The following RNF10 variants were observed in gnomAD, a reference collection of about 807,000 sequenced individuals.
The protein encoded by RNF10 is ring finger protein 10.
In RNF10, 38 loss-of-function variants were observed where a neutral mutation model predicts 91.4. The observed-to-expected ratio is 0.42, with a 90% confidence interval of 0.32 to 0.54. The LOEUF is 0.54. Among genes scored for constraint, RNF10 ranks in the 20% least tolerant of loss-of-function variants. RNF10 has a pLI of 0.16. For synonymous variants in RNF10, 364 were observed against 366.3 expected (o/e 0.99, Z 0.07); for missense variants, 945 against 1,012.0 (o/e 0.93, Z 0.90).
At chr12:120,566,158 A>G (rs1253598625) in intron 12 of RNF10, among the ~76,000 whole-genome samples, 1 of 152,212 alleles carries the variant, frequency 6.6e-6, no homozygotes, top group Non-Finnish European at 1.5e-5. Context: ...AAGTGGGACA[A>G]GTGTATACTT....
chr12:120,566,761 C>CAAAA (rs35194242), intron 12 of RNF10, 64 bp from the exon 13 acceptor site: 8 of 1,286,094 alleles, frequency 6.2e-6, no homozygotes, highest in African/African-American at 1.7e-5. Flanking sequence ...GACCCCATCT[C>CAAAA]AAAAAAAAAA....
intron 9 of RNF10, 41 bp downstream of exon 9, chr12:120,563,664 G>T (rs1335403173): frequency 6.4e-7 from 1 of 1,570,860 alleles, no homozygotes; most frequent in Non-Finnish European, 8.6e-7. Context: ...CCGCAGAGGT[G>T]TTTCAGAGGT....
In RNF10 at chr12:120,550,789, G is replaced by C. The variant is rs767486283; in HGVS notation, c.355-1710G>C. On this transcript the variant is annotated intron_variant, in intron 2 of 16. Coordinates refer to ENST00000325954, the MANE Select transcript of RNF10 (RefSeq NM_014868.5). ...TTTTTTGTATTTTTAGTAGAGACAG[G>C]GTTTCACTGTGTTAGCCAGGGTGGT... is the stretch of plus-strand genomic sequence containing the variant. 5.9e-5 allele frequency among the ~76,000 whole-genome samples: 9 copies of C among 151,960 alleles called. No homozygotes were observed. The South Asian group carries it at 8.3e-4, about 14-fold the overall frequency.
At chr12:120,558,994 TTTAA>T (rs142308916) in intron 6 of RNF10, among the ~76,000 whole-genome samples, 4,779 of 151,888 alleles carry the variant, frequency 0.031, 114 homozygotes, top group Non-Finnish European at 0.047. Context: ...AATAATTACT[TTTAA>T]TTAATTAAAT....
Position 120,560,859 on chromosome 12 carries a change from T to C in RNF10, c.1101T>C (p.Phe367=), listed in dbSNP as rs1874740186. The C allele has an allele frequency of 6.2e-7, 1 of 1,614,082 alleles. No homozygotes were observed. Among genetic ancestry groups the C allele is most frequent in the Non-Finnish European group, 8.5e-7 (1 of 1,179,988 alleles). ...AGAAGCACACTCCCGAGTCCTGCTTTATTGAGGCAGCTATCCAGGAGCTCA... is the reference window on the plus strand; with the variant it reads ...AGAAGCACACTCCCGAGTCCTGCTTCATTGAGGCAGCTATCCAGGAGCTCA... ...AEEKHTPESC[F]IEAAIQELKT... The change falls in exon 7 of 17, where the codon TTT becomes TTC. Residue 367 remains phenylalanine, a synonymous_variant. Transcript: ENST00000325954.
At chr12:120,560,667 G>GC in intron 6 of RNF10, 59 bp from the exon 7 acceptor site, 1 of 1,530,898 alleles carries the variant, frequency 6.5e-7, no homozygotes, top group Non-Finnish European at 8.9e-7. Flanking sequence ...TTCCTATTTA[G>GC]CTACACCATC....
At chr12:120,539,220 C>T in intron 1 of RNF10, 1 of 353,354 alleles carries the variant, frequency 2.8e-6, no homozygotes, top group Non-Finnish European at 5.7e-6. Context: ...AGAGGCTTAG[C>T]AGTGTTAAGA....
chr12:120,571,045 T>C, intron 13 of RNF10, 146 bp from the exon 14 acceptor site: 1 of 608,626 alleles, frequency 1.6e-6, no homozygotes, highest in Non-Finnish European at 2.9e-6. Context: ...CATGGAAGAG[T>C]TGAAAGTTGG....
chr12:120,569,097 GT>G (rs1876204482), intron 13 of RNF10, among the ~76,000 whole-genome samples: 1 of 152,034 alleles, frequency 6.6e-6, no homozygotes, highest in Admixed American at 6.6e-5. Flanking sequence ...CAGCCTCCAA[GT>G]AGTTTGGATT....
chr12:120,568,547 C>T (rs1481040536), intron 13 of RNF10, among the ~76,000 whole-genome samples: 1 of 151,342 alleles, frequency 6.6e-6, no homozygotes, highest in South Asian at 2.1e-4. Flanking sequence ...GCAATCTCAG[C>T]TAACTGCAAC....
In RNF10 at chr12:120,542,820, T is replaced by C. The variant is rs1183975090; in HGVS notation, c.158-3585T>C. ...TGCCTGCCTTGGCCTCCCAAAGTGC[T>C]GGGATTACAGGGAGCCACCATGCCT... On this transcript the variant is annotated intron_variant, in intron 1 of 16. Coordinates refer to ENST00000325954, the MANE Select transcript of RNF10 (RefSeq NM_014868.5). Among the ~76,000 whole-genome samples, 5 of 152,348 alleles carry C rather than the reference T, an allele frequency of 3.3e-5. No homozygotes were observed. In the East Asian group the frequency reaches 9.6e-4, roughly 29 times the overall value.
Position 120,565,063 on chromosome 12 carries a change from C to T in RNF10, c.1666-9C>T, listed in dbSNP as rs773685175. The T allele has an allele frequency of 6.3e-7, 1 of 1,599,466 alleles. No individual in the cohort carries two copies. The highest frequency in any genetic ancestry group is 1.3e-5 in the African/African-American group (1 of 74,556). ...CTTTTGTTGAGTATTGGTCCTTTTT[C>T]CAATGTAGGATGTTCGACAGCGTCA... On this transcript the variant is annotated splice_polypyrimidine_tract_variant and intron_variant, in intron 10 of 16. Transcript: ENST00000325954.
chr12:120,552,397 C>CT, intron 2 of RNF10, 102 bp from the exon 3 acceptor site: 1 of 956,062 alleles, frequency 1.0e-6, no homozygotes, highest in African/African-American at 1.7e-5. Context: ...AAGACTCCGT[C>CT]TCAAAAAAAA....
chr12:120,556,671 AG>A (rs1874077195), intron 4 of RNF10, among the ~76,000 whole-genome samples: 1 of 151,840 alleles, frequency 6.6e-6, no homozygotes. Context: ...CTTTGTTGGA[AG>A]TTACTGGTAG....
intron 1 of RNF10, among the ~76,000 whole-genome samples, chr12:120,542,450 A>G (rs1871710841): frequency 6.6e-6 from 1 of 152,156 alleles, no homozygotes; most frequent in African/African-American, 2.4e-5. Context: ...CACCAAGTCC[A>G]GCGCTGAAAC....
At chr12:120,550,237 G>A (rs1397944503) in intron 2 of RNF10, among the ~76,000 whole-genome samples, 1 of 152,082 alleles carries the variant, frequency 6.6e-6, no homozygotes, top group African/African-American at 2.4e-5. Context: ...GCTGTAGAAC[G>A]GAAACCTGTA....
At position 120,557,402 on chromosome 12, in the gene RNF10, A is replaced by G. The variant is rs537779170; in HGVS notation, c.766A>G (p.Ser256Gly). Reference sequence around the variant, plus strand: ...ATGCATCCTGCACTATCTTTCACTGAGTGAGAAGACGTGGAGTAAATGTCC... The same window carrying G: ...ATGCATCCTGCACTATCTTTCACTGGGTGAGAAGACGTGGAGTAAATGTCC... ...WACILHYLSL[S>G]EKTWSKCPIC... The change falls in exon 5 of 17, where the codon AGT becomes GGT. Residue 256 changes from serine (S) to glycine (G), a missense_variant. Physicochemically the swap from Ser to Gly is moderately conservative, Grantham distance 56. Coordinates refer to ENST00000325954, the MANE Select transcript of RNF10 (RefSeq NM_014868.5). 37 of 1,614,180 alleles carry G rather than the reference A, an allele frequency of 2.3e-5. No individual in the cohort carries two copies. In the South Asian group the frequency reaches 4.0e-4, roughly 17 times the overall value.
chr12:120,556,304 G>A (rs1873992869), intron 4 of RNF10, among the ~76,000 whole-genome samples: 1 of 151,516 alleles, frequency 6.6e-6, no homozygotes, highest in Admixed American at 6.6e-5. Flanking sequence ...GGAGGCTGAG[G>A]CGGGCGGATC....
At chr12:120,565,268 AC>A in intron 11 of RNF10, 79 bp downstream of exon 11, 1 of 1,165,774 alleles carries the variant, frequency 8.6e-7, no homozygotes, top group Non-Finnish European at 1.3e-6. Context: ...GGGGGAGGAA[AC>A]TTATGGAACT....
Sources: gnomAD v4.1 joint callset for allele counts (sites outside exome capture counted in the v4.1 genomes callset) on GRCh38, gnomAD v4.1.1 for gene constraint, MANE v1.5 for transcripts, NCBI Gene and HGNC (gene_info 2026-07-23, HGNC 2026-07-21) for gene names.